The following LTBP1 variants were observed in gnomAD, a reference collection of about 807,000 sequenced individuals.
LTBP1 encodes the protein latent-transforming growth factor beta-binding protein 1.
In LTBP1, 129 loss-of-function variants were observed where a neutral mutation model predicts 207.6. That is an observed-to-expected ratio of 0.62 (90% CI 0.54 to 0.72). The LOEUF (loss-of-function observed/expected upper bound fraction) is 0.72. Ranked by LOEUF, LTBP1 falls within the 30% of genes least tolerant of loss-of-function variation. The probability of loss-of-function intolerance (pLI) is 0.00; values close to 1 mark genes in which losing one functional copy is unlikely to be tolerated. For missense variants in LTBP1, 2,281 were observed against 2,217.2 expected (o/e 1.03, Z -0.58); for synonymous variants, 963 against 833.7 (o/e 1.16, Z -2.67).
chr2:33,398,762 GT>G lies in LTBP1; in HGVS notation c.*218del. 1 of 390,746 alleles carries G rather than the reference GT, an allele frequency of 2.6e-6. No homozygotes were observed. Among genetic ancestry groups the G allele is most frequent in the Non-Finnish European group, 4.6e-6 (1 of 218,844 alleles). The allele number at this position is 390,746 out of a possible 1,614,324, so 24.2% of individuals were successfully genotyped here. ...TTTCTCTAAAAAACCAGTATATATA[GT>G]CTGTTCATATGTAAAATTCAATGGA... is the stretch of plus-strand genomic sequence containing the variant. On this transcript the variant is annotated 3_prime_UTR_variant, in exon 34 of 34. Transcript: ENST00000404816.
intron 24 of LTBP1, among the ~76,000 whole-genome samples, chr2:33,335,133 A>G (rs540594631): frequency 2.6e-4 from 39 of 151,826 alleles, no homozygotes; most frequent in African/African-American, 9.2e-4. Flanking sequence ...TAAATAAGTA[A>G]GTAAGTAAAT....
chr2:32,973,824 C>G (rs1299591909), intron 2 of LTBP1, among the ~76,000 whole-genome samples: 9 of 152,190 alleles, frequency 5.9e-5, no homozygotes, highest in African/African-American at 2.2e-4. Flanking sequence ...TTAGACACCA[C>G]AAATAACTGA....
At position 33,214,280 on chromosome 2, in the gene LTBP1, C is replaced by T. The variant is rs565275286; in HGVS notation, c.1702-3272C>T. On this transcript the variant is annotated intron_variant, in intron 7 of 33. Coordinates refer to ENST00000404816, the MANE Select transcript of LTBP1 (RefSeq NM_206943.4). ...CCAGTCTTAGGCCTGGGTCATTGTTCGCCTTTCCTCCCTTCAGTCCTTCAT... is the reference window on the plus strand; with the variant it reads ...CCAGTCTTAGGCCTGGGTCATTGTTTGCCTTTCCTCCCTTCAGTCCTTCAT... Among the ~76,000 whole-genome samples the T allele has an allele frequency of 1.0e-3, 152 of 152,282 alleles. 1 individual carries two copies. Among genetic ancestry groups the T allele is most frequent in the African/African-American group, 3.6e-3 (148 of 41,558 alleles).
At chr2:33,246,175 C>T (rs528574188) in intron 10 of LTBP1, among the ~76,000 whole-genome samples, 51 of 152,268 alleles carry the variant, frequency 3.3e-4, no homozygotes, top group African/African-American at 1.0e-3. Context: ...GTTGAGAGTT[C>T]GAAGTGAAAA....
rs368080747 is a variant in LTBP1 at position 32,947,747 on chromosome 2, C to T, written c.423C>T (p.Ser141=). The T allele has an allele frequency of 1.4e-5, 22 of 1,534,298 alleles. No individual in the cohort carries two copies. Among genetic ancestry groups the T allele is most frequent in the Admixed American group, 4.0e-5 (2 of 49,964 alleles). The change falls in exon 1 of 34, where the codon TCC becomes TCT. Residue 141 remains serine, a synonymous_variant. Transcript: ENST00000404816. ...FTKQGRQVVR[S]KVPQETQSGG... ...AACAAGGCAGGCAAGTTGTGCGCTC[C>T]AAGGTGCCGCAGGAGACCCAGAGCG...
chr2:33,342,138 AC>A (rs2094634894), intron 24 of LTBP1, among the ~76,000 whole-genome samples: 1 of 152,222 alleles, frequency 6.6e-6, no homozygotes. Context: ...TTGAGGCATC[AC>A]TTTTATAAGA....
chr2:33,294,923 A>T (rs1403120730), intron 20 of LTBP1, among the ~76,000 whole-genome samples: 1 of 151,790 alleles, frequency 6.6e-6, no homozygotes, highest in African/African-American at 2.4e-5. Flanking sequence ...TTTAATTGGC[A>T]TGTAATAATT....
chr2:33,282,193 A>G (rs952488165), intron 19 of LTBP1, among the ~76,000 whole-genome samples: 2 of 152,034 alleles, frequency 1.3e-5, no homozygotes, highest in Non-Finnish European at 2.9e-5. Context: ...GCATTTCTCA[A>G]TTCAGCCAAA....
intron 3 of LTBP1, 112 bp from the exon 4 acceptor site, chr2:33,110,470 G>C: frequency 1.1e-6 from 1 of 951,272 alleles, no homozygotes; most frequent in Non-Finnish European, 1.6e-6. Flanking sequence ...AATGAGCCTT[G>C]CTTGGAATTG....
chr2:33,222,030 C>G, intron 8 of LTBP1, 50 bp from the exon 9 acceptor site: 2 of 1,362,128 alleles, frequency 1.5e-6, no homozygotes, highest in Non-Finnish European at 2.1e-6. Context: ...TTACACTAGT[C>G]TAAGATTGTA....
chr2:32,997,287 G>T (rs1357581829), intron 2 of LTBP1, among the ~76,000 whole-genome samples: 1 of 151,994 alleles, frequency 6.6e-6, no homozygotes, highest in African/African-American at 2.4e-5. Context: ...GAGGTGGGAG[G>T]ATTGCTTGAG....
At chr2:33,249,761 A>G (rs1328390700) in intron 10 of LTBP1, among the ~76,000 whole-genome samples, 1 of 152,188 alleles carries the variant, frequency 6.6e-6, no homozygotes, top group African/African-American at 2.4e-5. Flanking sequence ...AATTTTAGTA[A>G]CACATCCTGC....
At chr2:33,195,194 C>G (rs2088409075) in intron 7 of LTBP1, among the ~76,000 whole-genome samples, 1 of 152,112 alleles carries the variant, frequency 6.6e-6, no homozygotes, top group Non-Finnish European at 1.5e-5. Flanking sequence ...GCCCATGGAT[C>G]AAGGAGTCAT....
At chr2:33,189,870 AC>A (rs1459953967) in intron 7 of LTBP1, among the ~76,000 whole-genome samples, 2 of 144 alleles carry the variant, frequency 0.014, no homozygotes, top group Non-Finnish European at 0.028. Flanking sequence ...TACTAAAAAT[AC>A]AAAAAATTAG....
At chr2:33,305,976 C>T (rs1427186639) in intron 22 of LTBP1, among the ~76,000 whole-genome samples, 1 of 152,198 alleles carries the variant, frequency 6.6e-6, no homozygotes, top group Non-Finnish European at 1.5e-5. Context: ...CAGTGATTCA[C>T]TGTTCCTGCC....
chr2:33,149,366 A>G (rs1274845574), intron 5 of LTBP1, among the ~76,000 whole-genome samples: 1 of 151,434 alleles, frequency 6.6e-6, no homozygotes, highest in South Asian at 2.1e-4. Context: ...ATTCTTTCCT[A>G]TCAGACAACA....
chr2:33,245,443 TTAC>T (rs2092478765), intron 10 of LTBP1, among the ~76,000 whole-genome samples: 1 of 152,256 alleles, frequency 6.6e-6, no homozygotes, highest in Non-Finnish European at 1.5e-5. Context: ...TTATCACTAA[TTAC>T]TACTCTTTTC....
intron 2 of LTBP1, among the ~76,000 whole-genome samples, chr2:33,005,867 G>A (rs55680446): frequency 0.35 from 53,637 of 152,042 alleles, 10,064 homozygotes; most frequent in East Asian, 0.68. Context: ...GATTACAGGC[G>A]TGAGCCACTG....
At chr2:33,016,105 G>C (rs1045784352) in intron 2 of LTBP1, among the ~76,000 whole-genome samples, 1 of 152,122 alleles carries the variant, frequency 6.6e-6, no homozygotes, top group Non-Finnish European at 1.5e-5. Context: ...GTGGGAGAAG[G>C]GTGGGCTTGA....
Sources: gnomAD v4.1 joint callset for allele counts (sites outside exome capture counted in the v4.1 genomes callset) on GRCh38, gnomAD v4.1.1 for gene constraint, MANE v1.5 for transcripts, NCBI Gene and HGNC (gene_info 2026-07-23, HGNC 2026-07-21) for gene names.